Variants in MEGF10 observed in about 807,000 individuals in gnomAD.
MEGF10 encodes the protein multiple epidermal growth factor-like domains protein 10.
Under a neutral mutation model 147.5 loss-of-function variants are expected in MEGF10, and 86 were observed. That is an observed-to-expected ratio of 0.58 (90% CI 0.49 to 0.70). The LOEUF (loss-of-function observed/expected upper bound fraction) is 0.70, where lower values mean the gene tolerates loss of function less well. Ranked by LOEUF, MEGF10 falls within the 30% of genes least tolerant of loss-of-function variation. MEGF10 has a pLI of 0.00. For missense variants in MEGF10, 1,329 were observed against 1,487.3 expected (o/e 0.89, Z 1.75); for synonymous variants, 478 against 525.5 (o/e 0.91, Z 1.24).
At chr5:127,451,859 T>A (rs2127038087) in intron 22 of MEGF10, among the ~76,000 whole-genome samples, 1 of 152,332 alleles carries the variant, frequency 6.6e-6, no homozygotes, top group Admixed American at 6.5e-5. Flanking sequence ...TCAGGCATGT[T>A]ATGGATGATA....
intron 6 of MEGF10, among the ~76,000 whole-genome samples, chr5:127,397,415 T>C (rs1763960281): frequency 6.6e-6 from 1 of 152,230 alleles, no homozygotes; most frequent in Non-Finnish European, 1.5e-5. Context: ...TAACCTCCAC[T>C]GTCTTTATTT....
chr5:127,358,292 G>A (rs967928323), intron 4 of MEGF10, among the ~76,000 whole-genome samples: 1 of 152,190 alleles, frequency 6.6e-6, no homozygotes, highest in East Asian at 1.9e-4. Flanking sequence ...TAAGGAGGGA[G>A]AAGGGGCAAA....
intron 4 of MEGF10, among the ~76,000 whole-genome samples, chr5:127,345,935 A>G (rs1761869054): frequency 6.6e-6 from 1 of 152,194 alleles, no homozygotes; most frequent in Non-Finnish European, 1.5e-5. Context: ...TTAATAAGAC[A>G]GAATATACAG....
At chr5:127,265,357 G>A in the MEGF10 span, among the ~76,000 whole-genome samples, 2 of 152,170 alleles carry the variant, frequency 1.3e-5, no homozygotes, top group Admixed American at 6.5e-5. Context: ...CTTTGCTATT[G>A]TGAATAGTGC....
intron 1 of MEGF10, among the ~76,000 whole-genome samples, chr5:127,296,923 T>C (rs1431958263): frequency 6.6e-6 from 1 of 152,180 alleles, no homozygotes; most frequent in Non-Finnish European, 1.5e-5. Flanking sequence ...AAAAAAGTAA[T>C]AGGTTGGAGA....
At chr5:127,303,266 G>A (rs1759853813) in intron 1 of MEGF10, among the ~76,000 whole-genome samples, 1 of 150,612 alleles carries the variant, frequency 6.6e-6, no homozygotes, top group East Asian at 2.0e-4. Flanking sequence ...AACTCAGGAG[G>A]CAGAGGTTGC....
chr5:127,443,175 C>T (rs1301167656), intron 19 of MEGF10, 49 bp downstream of exon 19: 1 of 1,535,788 alleles, frequency 6.5e-7, no homozygotes, highest in African/African-American at 1.4e-5. Context: ...GTGTGAACAC[C>T]ATGTACCAGG....
At chr5:127,234,812 T>C in the MEGF10 span, among the ~76,000 whole-genome samples, 1 of 152,120 alleles carries the variant, frequency 6.6e-6, no homozygotes, top group African/African-American at 2.4e-5. Context: ...TATTGGTAGT[T>C]CAATAACAAC....
At chr5:127,391,093 C>A (rs1442833662) in intron 5 of MEGF10, among the ~76,000 whole-genome samples, 1 of 27,602 alleles carries the variant, frequency 3.6e-5, no homozygotes. Flanking sequence ...CACATGCGCG[C>A]GCGCGCGCGC....
rs1765456845 is a variant in MEGF10 at position 127,433,500 on chromosome 5, T to C, written c.1831T>C (p.Cys611Arg). The C allele has an allele frequency of 6.2e-7, 1 of 1,605,604 alleles. No individual in the cohort carries two copies. The highest frequency in any genetic ancestry group is 1.3e-5 in the African/African-American group (1 of 74,730). ...ECAPGFRGTT[C>R]QRICSPGFYG... ...TGCACCAGGCTTCCGAGGCACCACT[T>C]GTCAGAGGAGTAAGTGTCTCATTAG... Residue 611 changes from cysteine (C) to arginine (R), a missense_variant, in exon 14 of 25, where the codon TGT becomes CGT. By Grantham distance (180) the Cys-to-Arg change is radical. This residue lies in a region of MEGF10 where 980 missense variants were observed against 1,085.9 expected (regional missense o/e 0.90). Transcript: ENST00000503335.
intron 4 of MEGF10, among the ~76,000 whole-genome samples, chr5:127,360,473 C>A (rs1762429608): frequency 6.6e-6 from 1 of 151,886 alleles, no homozygotes; most frequent in South Asian, 2.1e-4. Flanking sequence ...AGCTTTATTT[C>A]TTTTCCTTGC....
chr5:127,268,529 C>T, the MEGF10 span, among the ~76,000 whole-genome samples: 1 of 152,116 alleles, frequency 6.6e-6, no homozygotes, highest in Non-Finnish European at 1.5e-5. Context: ...AAGGCGGCAG[C>T]GAGGCTGGGG....
intron 22 of MEGF10, among the ~76,000 whole-genome samples, chr5:127,451,180 G>T (rs1766141844): frequency 6.6e-6 from 1 of 152,190 alleles, no homozygotes; most frequent in Non-Finnish European, 1.5e-5. Flanking sequence ...AAGAAGGAAA[G>T]GGGTAAAGCC....
chr5:127,287,570 T>A (rs1051542135), upstream of MEGF10, among the ~76,000 whole-genome samples: 1 of 151,960 alleles, frequency 6.6e-6, no homozygotes, highest in Non-Finnish European at 1.5e-5. Flanking sequence ...AAAATATTGC[T>A]GAGAAACATT....
chr5:127,378,058 G>A (rs1373008138), intron 5 of MEGF10, among the ~76,000 whole-genome samples: 5 of 151,994 alleles, frequency 3.3e-5, no homozygotes, highest in Non-Finnish European at 2.9e-5. Context: ...CTTTCCTAAG[G>A]AGTCCAAAAT....
chr5:127,433,269 T>C, intron 13 of MEGF10, 94 bp from the exon 14 acceptor site: 1 of 1,497,088 alleles, frequency 6.7e-7, no homozygotes. Flanking sequence ...TCCTCAGGTT[T>C]AACACTGTGA....
At chr5:127,236,865 T>C in the MEGF10 span, among the ~76,000 whole-genome samples, 1 of 152,200 alleles carries the variant, frequency 6.6e-6, no homozygotes, top group Non-Finnish European at 1.5e-5. Flanking sequence ...ATTAGAACAG[T>C]CTGCTGTTCT....
Position 127,457,409 on chromosome 5 carries a change from T to C in MEGF10, c.*91T>C. ...CTCAATTTTGCCACTTTCATGTGAATGTTAGTCAATTCGGTGGGCAATTTT... is the reference window on the plus strand; with the variant it reads ...CTCAATTTTGCCACTTTCATGTGAACGTTAGTCAATTCGGTGGGCAATTTT... On this transcript the variant is annotated 3_prime_UTR_variant, in exon 25 of 25. Coordinates refer to ENST00000503335, the MANE Select transcript of MEGF10 (RefSeq NM_001256545.2). The C allele has an allele frequency of 7.2e-7, 1 of 1,393,192 alleles. No homozygotes were observed. The highest frequency in any genetic ancestry group is 1.4e-5 in the South Asian group (1 of 69,312). 86.3% of individuals were successfully genotyped at this position (1,393,192 alleles called of 1,614,324 possible).
In MEGF10 at chr5:127,422,705, C is replaced by T. The variant is rs146902993; in HGVS notation, c.1626C>T (p.Cys542=). Residue 542 remains cysteine (C), a synonymous_variant, in exon 13 of 25, where the codon TGC becomes TGT. Transcript: ENST00000503335. ...ACGGGCTGAACTGTGCTGAGCGCTG[C>T]GACTGCAGCCACGCAGATGGCTGCC... ...GTYGLNCAER[C]DCSHADGCHP... 3,516 of 1,613,946 alleles carry T rather than the reference C, an allele frequency of 2.2e-3. 7 individuals carry two copies. Among genetic ancestry groups the T allele is most frequent in the Non-Finnish European group, 2.8e-3 (3,302 of 1,179,928 alleles).
Sources: gnomAD v4.1 joint callset for allele counts (sites outside exome capture counted in the v4.1 genomes callset) on GRCh38, gnomAD v4.1.1 for gene constraint, gnomAD v4.1.1 regional missense constraint, MANE v1.5 for transcripts, NCBI Gene and HGNC (gene_info 2026-07-23, HGNC 2026-07-21) for gene names.